MINK1: variants seen among roughly 807,000 people sequenced by gnomAD.
MINK1 encodes the protein misshapen like kinase 1.
Under a neutral mutation model 178.4 loss-of-function variants are expected in MINK1, and 46 were observed. The ratio of observed to expected loss-of-function variants is 0.26; its 90% CI spans 0.20 to 0.33. The LOEUF is 0.33. Ranked by LOEUF, MINK1 falls within the 10% of genes least tolerant of loss-of-function variation. MINK1 has a pLI of 1.00. For synonymous variants in MINK1, 797 were observed against 709.7 expected, an observed-to-expected ratio of 1.12 and a Z score of -1.96; for missense variants, 1,366 against 1,814.9, an observed-to-expected ratio of 0.75 and a Z score of 4.49.
Position 4,890,729 on chromosome 17 carries a change from C to T in MINK1, c.1560C>T (p.Ala520=). ...ATCCCGCTGACAAACCAGCCTGGGC[C>T]CGAGAGGTACTCACTGCCTCCTTTG... is the stretch of plus-strand genomic sequence containing the variant. ...GMNPADKPAW[A]REVEERTRMN... is the part of the protein sequence containing the mutation. Residue 520 remains alanine (A), a synonymous_variant, in exon 14 of 32, where the codon GCC becomes GCT. Transcript: ENST00000355280. The T allele has an allele frequency of 6.5e-7, 1 of 1,546,328 alleles. No individual in the cohort carries two copies. The highest frequency in any genetic ancestry group is 8.7e-7 in the Non-Finnish European group (1 of 1,143,980).
intron 5 of MINK1, 104 bp from the exon 6 acceptor site, chr17:4,884,808 C>T: frequency 3.0e-6 from 3 of 993,952 alleles, no homozygotes; most frequent in Non-Finnish European, 4.6e-6. Flanking sequence ...TTCAGCCCAG[C>T]CCTGTCCAGA....
At chr17:4,867,402 C>A (rs537130355) in intron 1 of MINK1, among the ~76,000 whole-genome samples, 2 of 151,834 alleles carry the variant, frequency 1.3e-5, no homozygotes, top group Admixed American at 1.3e-4. Context: ...GTAATCCTAA[C>A]ACTTTGAAAG....
At chr17:4,890,160 C>T (rs1968643542) in intron 13 of MINK1, 2 of 773,496 alleles carry the variant, frequency 2.6e-6, no homozygotes, top group Non-Finnish European at 3.6e-6. Flanking sequence ...GCTGCTGCTG[C>T]CCTCCTCTGC....
At position 4,892,472 on chromosome 17, in the gene MINK1, G is replaced by GGGCCCCCTGCTC. The variant is rs752911133; in HGVS notation, c.2159_2170dup (p.Ala723_Gln724insArgProProAla). ...AGAGCGGGGCACCCCAAAGCCTCCA[G>GGGCCCCCTGCTC]GGCCCCCTGCTCAGCCCCCTGGCCC... On this transcript the variant is annotated inframe_insertion, in exon 18 of 32. Coordinates refer to ENST00000355280, the MANE Select transcript of MINK1 (RefSeq NM_153827.5). The GGGCCCCCTGCTC allele has an allele frequency of 4.5e-6, 7 of 1,564,542 alleles. No individual in the cohort carries two copies. Among genetic ancestry groups the GGGCCCCCTGCTC allele is most frequent in the Middle Eastern group, 1.7e-4 (1 of 6,002 alleles).
At chr17:4,845,638 A>AT (rs561317791) in intron 1 of MINK1, among the ~76,000 whole-genome samples, 1,458 of 141,406 alleles carry the variant, frequency 0.01, 14 homozygotes, top group East Asian at 0.062. Context: ...ATTGAGTTGG[A>AT]TTTTTTTTTT....
At chr17:4,878,094 G>A (rs141799493) in intron 1 of MINK1, among the ~76,000 whole-genome samples, 63 of 152,266 alleles carry the variant, frequency 4.1e-4, no homozygotes, top group African/African-American at 1.5e-3. Flanking sequence ...ACAGGCGTGA[G>A]CCACCGTGCC....
chr17:4,866,072 A>G (rs933091976), intron 1 of MINK1, among the ~76,000 whole-genome samples: 6 of 152,220 alleles, frequency 3.9e-5, no homozygotes, highest in Non-Finnish European at 4.4e-5. Flanking sequence ...TCACTGTTCT[A>G]TTCCCCAGCC....
In MINK1 at chr17:4,891,798, G is replaced by A. The variant is rs1423627049; in HGVS notation, c.2001+82G>A. 8.1e-6 allele frequency: 12 copies of A among 1,480,430 alleles called. No individual in the cohort carries two copies. The African/African-American group carries it at 1.4e-4, about 17-fold the overall frequency. The allele number at this position is 1,480,430 out of a possible 1,614,324, so 91.7% of individuals were successfully genotyped here. A position where few individuals can be genotyped will look rare whatever the true frequency, so the allele number is the denominator to read the frequency against. On this transcript the variant is annotated intron_variant, in intron 16 of 31. Coordinates refer to ENST00000355280, the MANE Select transcript of MINK1 (RefSeq NM_153827.5). ...AGGGCAGTGAAGGGGCAGGCCACAT[G>A]GAGGAAGAGTGCAGGGCGGGAAGCG...
intron 1 of MINK1, among the ~76,000 whole-genome samples, chr17:4,865,321 C>T (rs972122541): frequency 6.6e-6 from 1 of 151,580 alleles, no homozygotes; most frequent in African/African-American, 2.4e-5. Flanking sequence ...GTAATCCCAG[C>T]TACTTGGGAG....
chr17:4,857,622 A>G (rs562197298), intron 1 of MINK1, among the ~76,000 whole-genome samples: 557 of 151,890 alleles, frequency 3.7e-3, no homozygotes, highest in Non-Finnish European at 6.2e-3. Context: ...ACGCACCACC[A>G]TGCCCAGCTA....
chr17:4,867,138 GTT>G (rs759995957), intron 1 of MINK1, among the ~76,000 whole-genome samples: 12,130 of 64,870 alleles, frequency 0.19, 943 homozygotes, highest in Middle Eastern at 0.29. Flanking sequence ...TCTTAGGACT[GTT>G]TTTTTTTTTT....
At chr17:4,890,104 T>C in intron 13 of MINK1, 1 of 425,992 alleles carries the variant, frequency 2.3e-6, no homozygotes, top group Non-Finnish European at 4.1e-6. Context: ...ACTCTTCCCC[T>C]GCACCCCCTC....
intron 1 of MINK1, among the ~76,000 whole-genome samples, chr17:4,865,436 AAAATAAAT>A (rs542000888): frequency 6.6e-6 from 1 of 151,932 alleles, no homozygotes; most frequent in Non-Finnish European, 1.5e-5. Context: ...ACTGTCTCAA[AAAATAAAT>A]AAATAAATAA....
At chr17:4,889,844 C>G in intron 13 of MINK1, 81 bp downstream of exon 13, 2 of 955,158 alleles carry the variant, frequency 2.1e-6, no homozygotes, top group Non-Finnish European at 3.0e-6. Context: ...TGCCCTTCCC[C>G]CTTCTCTCCC....
At position 4,837,296 on chromosome 17, in the gene MINK1, GC is replaced by G. The variant is rs1311882166; in HGVS notation, c.57+3657del. ...TAAGCATGTTTTGCACATAATGGGG[GC>G]TCAAACGTTTGTTGCAGAAGTGCCT... On this transcript the variant is annotated intron_variant, in intron 1 of 31. Transcript: ENST00000355280. 5.3e-5 allele frequency among the ~76,000 whole-genome samples: 8 copies of G among 152,312 alleles called. No homozygotes were observed. The South Asian group carries it at 1.2e-3, about 24-fold the overall frequency.
intron 1 of MINK1, among the ~76,000 whole-genome samples, chr17:4,873,712 G>A (rs754454486): frequency 4.8e-5 from 7 of 145,600 alleles, no homozygotes; most frequent in Non-Finnish European, 1.0e-4. Flanking sequence ...TCCACCTCCT[G>A]AGTTCAAGCG....
chr17:4,863,698 A>G (rs1004159070), intron 1 of MINK1, among the ~76,000 whole-genome samples: 1 of 152,274 alleles, frequency 6.6e-6, no homozygotes, highest in East Asian at 1.9e-4. Context: ...ACCCACTTCA[A>G]AGTTTGTCAT....
chr17:4,843,365 C>T (rs909950998), intron 1 of MINK1, among the ~76,000 whole-genome samples: 5 of 151,980 alleles, frequency 3.3e-5, no homozygotes, highest in African/African-American at 1.2e-4. Flanking sequence ...GTAATCCCAG[C>T]TACTGGGGAG....
intron 1 of MINK1, among the ~76,000 whole-genome samples, chr17:4,876,581 G>A (rs965086755): frequency 6.6e-6 from 1 of 152,050 alleles, no homozygotes; most frequent in African/African-American, 2.4e-5. Context: ...TTTTTTGGTC[G>A]TGGGATTTTT....
Sources: gnomAD v4.1 joint callset for allele counts (sites outside exome capture counted in the v4.1 genomes callset) on GRCh38, gnomAD v4.1.1 for gene constraint, MANE v1.5 for transcripts, NCBI Gene and HGNC (gene_info 2026-07-23, HGNC 2026-07-21) for gene names.